Variants in FBXL2 observed in about 807,000 individuals in gnomAD.
The protein encoded by FBXL2 is F-box/LRR-repeat protein 2.
A neutral mutation model predicts 69.2 loss-of-function variants in FBXL2; 38 were observed. That is an observed-to-expected ratio of 0.55 (90% CI 0.42 to 0.72). FBXL2 has a LOEUF of 0.72. Among genes scored for constraint, FBXL2 ranks in the 30% least tolerant of loss-of-function variants. FBXL2 has a pLI of 0.00. For missense variants in FBXL2, 354 were observed against 520.3 expected (o/e 0.68, Z 3.11); for synonymous variants, 192 against 201.3 (o/e 0.95, Z 0.39).
chr3:33,331,665 A>T (rs915661684), intron 2 of FBXL2, among the ~76,000 whole-genome samples: 3 of 152,208 alleles, frequency 2.0e-5, no homozygotes, highest in South Asian at 2.1e-4. Flanking sequence ...AAACAACTTT[A>T]TAGGGACATT....
chr3:33,389,242 A>ATGAT (rs1025407240), downstream of FBXL2: 11 of 152,642 alleles, frequency 7.2e-5, no homozygotes, highest in African/African-American at 2.7e-4. Flanking sequence ...ATGTCTATCC[A>ATGAT]TGATTGTACT....
chr3:33,280,211 A>G (rs918061915), intron 1 of FBXL2, among the ~76,000 whole-genome samples: 7 of 152,132 alleles, frequency 4.6e-5, no homozygotes, highest in African/African-American at 1.7e-4. Context: ...CAGCATTCTT[A>G]CTCACAGCTA....
intron 2 of FBXL2, among the ~76,000 whole-genome samples, chr3:33,299,488 A>G (rs2036072103): frequency 6.6e-6 from 1 of 152,200 alleles, no homozygotes; most frequent in African/African-American, 2.4e-5. Flanking sequence ...TATTGGGAAT[A>G]ATTATTTTCA....
intron 1 of FBXL2, among the ~76,000 whole-genome samples, chr3:33,292,682 T>C (rs60845386): frequency 0.067 from 10,229 of 151,790 alleles, 1,148 homozygotes; most frequent in African/African-American, 0.23. Context: ...TTACTATAAG[T>C]ACAAAAGGAT....
chr3:33,343,886 A>T (rs1212330169), intron 2 of FBXL2, among the ~76,000 whole-genome samples: 1 of 152,136 alleles, frequency 6.6e-6, no homozygotes, highest in African/African-American at 2.4e-5. Flanking sequence ...TTTGTTACAT[A>T]GTGTTTTCCA....
At chr3:33,298,814 T>C (rs1341167506) in intron 2 of FBXL2, among the ~76,000 whole-genome samples, 1 of 151,828 alleles carries the variant, frequency 6.6e-6, no homozygotes, top group Non-Finnish European at 1.5e-5. Flanking sequence ...CCCCTAACTG[T>C]TTCTCTTATC....
intron 2 of FBXL2, among the ~76,000 whole-genome samples, chr3:33,331,805 G>A (rs2039187950): frequency 6.6e-6 from 1 of 152,102 alleles, no homozygotes. Flanking sequence ...ATAACTATTA[G>A]ATCAAGTTGA....
In FBXL2 at chr3:33,375,295, CG is replaced by C. The variant is rs761408858; in HGVS notation, c.667del (p.Asp223MetfsTer35). ...SLNLQSCSRI[T>X]DEGVVQICRG... ...TGTGCTGCTTTTCCTCAGCGTATCACGGATGAAGGTGTGGTGCAGATATGCA... is the reference window on the plus strand; with the variant it reads ...TGTGCTGCTTTTCCTCAGCGTATCACGATGAAGGTGTGGTGCAGATATGCA... On this transcript the variant is annotated frameshift_variant, in exon 10 of 15. Transcript: ENST00000484457. LOFTEE classifies it high-confidence loss of function. 1 of 1,613,610 alleles carries C rather than the reference CG, an allele frequency of 6.2e-7. No homozygotes were observed. Among genetic ancestry groups the C allele is most frequent in the East Asian group, 2.2e-5 (1 of 44,880 alleles).
At chr3:33,331,466 C>T (rs1042945947) in intron 2 of FBXL2, among the ~76,000 whole-genome samples, 3 of 152,084 alleles carry the variant, frequency 2.0e-5, no homozygotes, top group African/African-American at 7.2e-5. Flanking sequence ...GGAAAGGCTC[C>T]CTCCCCCTGT....
At chr3:33,416,790 C>A in the FBXL2 span, 2 of 1,613,576 alleles carry the variant, frequency 1.2e-6, 1 homozygote, top group Non-Finnish European at 1.7e-6. Flanking sequence ...TCAGGCATAT[C>A]ACCCATTTTC....
chr3:33,361,786 C>G (rs994696710), intron 4 of FBXL2, among the ~76,000 whole-genome samples: 3 of 152,138 alleles, frequency 2.0e-5, no homozygotes, highest in Non-Finnish European at 4.4e-5. Flanking sequence ...GGCTAGCCCC[C>G]TTGGTCCACC....
At chr3:33,334,535 A>G (rs1447661529) in intron 2 of FBXL2, among the ~76,000 whole-genome samples, 1 of 152,214 alleles carries the variant, frequency 6.6e-6, no homozygotes, top group Non-Finnish European at 1.5e-5. Flanking sequence ...TTAACACATC[A>G]TCAGCAACGT....
At chr3:33,300,802 G>A (rs1222026413) in intron 2 of FBXL2, among the ~76,000 whole-genome samples, 1 of 150,314 alleles carries the variant, frequency 6.7e-6, no homozygotes, top group Admixed American at 6.6e-5. Flanking sequence ...TCCACCTCCC[G>A]GGTTCACGCC....
At chr3:33,370,634 T>C (rs1214545072) in intron 5 of FBXL2, among the ~76,000 whole-genome samples, 1 of 151,970 alleles carries the variant, frequency 6.6e-6, no homozygotes, top group Non-Finnish European at 1.5e-5. Flanking sequence ...TCTCTTCCTC[T>C]CTCTGGAGTC....
rs572717309 is a variant in FBXL2, at chr3:33,315,753, ATAG to A, written c.65+18032_65+18034del. On this transcript the variant is annotated intron_variant, in intron 2 of 14. Coordinates refer to ENST00000484457, the MANE Select transcript of FBXL2 (RefSeq NM_012157.5). ...TTTCTTAAATTTAACTTATTTTGAA[ATAG>A]TAGGTTACAGTTTTAATCTGTTTTG... 4.5e-4 allele frequency among the ~76,000 whole-genome samples: 69 copies of A among 152,192 alleles called. No individual in the cohort carries two copies. In the Middle Eastern group the frequency reaches 0.02, roughly 45 times the overall value.
chr3:33,398,337 G>A (rs748781734), intron 12 of FBXL2: 2 of 152,206 alleles, frequency 1.3e-5, no homozygotes, highest in Non-Finnish European at 2.9e-5. Context: ...CATCTCCCAT[G>A]AGACATGAGC....
intron 12 of FBXL2, 128 bp from the exon 13 acceptor site, chr3:33,378,557 A>G (rs952863524): frequency 3.5e-5 from 31 of 875,554 alleles, no homozygotes; most frequent in Middle Eastern, 5.4e-4. Flanking sequence ...AGGAGCTCCC[A>G]GCCCCAGAGT....
rs1265627837 is a variant in FBXL2 at position 33,342,897 on chromosome 3, T to TTTG, written c.66-16068_66-16067insGTT. On this transcript the variant is annotated intron_variant, in intron 2 of 14. Transcript: ENST00000484457. ...CGCCCGCCACCACGCCCAGCTGTTT[T>TTTG]TTTTTTTTTTTTTTTGGTATTTTTA... Among the ~76,000 whole-genome samples the TTTG allele has an allele frequency of 3.9e-3, 560 of 144,976 alleles. 8 individuals are homozygous for TTTG. The highest frequency in any genetic ancestry group is 0.014 in the African/African-American group (534 of 38,856).
At chr3:33,378,173 A>G (rs757801112) in intron 12 of FBXL2, 26 bp downstream of exon 12, 1 of 1,611,632 alleles carries the variant, frequency 6.2e-7, no homozygotes, top group Admixed American at 1.7e-5. Context: ...ACAGCCCTGC[A>G]GGGCAGCCTG....
Sources: allele counts gnomAD v4.1 joint callset (sites outside exome capture counted in the v4.1 genomes callset), GRCh38; gene constraint gnomAD v4.1.1; transcripts MANE v1.5; gene names NCBI Gene and HGNC (gene_info 2026-07-23, HGNC 2026-07-21).